The following LRRC4C variants were observed in gnomAD, a reference collection of about 807,000 sequenced individuals.
The protein encoded by LRRC4C is leucine-rich repeat-containing protein 4C.
A neutral mutation model predicts 33.6 loss-of-function variants in LRRC4C; 5 were observed. The ratio of observed to expected loss-of-function variants is 0.15; its 90% CI spans 0.08 to 0.31. The LOEUF is 0.31. Among genes scored for constraint, LRRC4C ranks in the 10% least tolerant of loss-of-function variants. LRRC4C has a pLI of 1.00. For missense variants in LRRC4C, 560 were observed against 796.7 expected (o/e 0.70, Z 3.58); for synonymous variants, 329 against 302.0 (o/e 1.09, Z -0.93).
chr11:40,771,666 A>G (rs1410535414), intron 2 of LRRC4C, among the ~76,000 whole-genome samples: 5 of 152,218 alleles, frequency 3.3e-5, no homozygotes, highest in African/African-American at 1.2e-4. Flanking sequence ...CAGGTACCCA[A>G]AATTATCTCT....
intron 1 of LRRC4C, among the ~76,000 whole-genome samples, chr11:41,307,822 G>A (rs528893324): frequency 6.6e-6 from 1 of 152,260 alleles, no homozygotes; most frequent in South Asian, 2.1e-4. Context: ...CATTTTAGGA[G>A]TTTAGTCATT....
chr11:41,243,665 C>T (rs1295446595), intron 1 of LRRC4C, among the ~76,000 whole-genome samples: 1 of 152,122 alleles, frequency 6.6e-6, no homozygotes, highest in South Asian at 2.1e-4. Flanking sequence ...AATGTGATGA[C>T]TGAAGTTCTA....
At chr11:41,272,171 C>T (rs1949342717) in intron 1 of LRRC4C, among the ~76,000 whole-genome samples, 1 of 152,092 alleles carries the variant, frequency 6.6e-6, no homozygotes, top group African/African-American at 2.4e-5. Context: ...AGTCAAACCC[C>T]TTTCAGGTGT....
chr11:41,354,893 C>A (rs889487285), intron 1 of LRRC4C, among the ~76,000 whole-genome samples: 1 of 151,936 alleles, frequency 6.6e-6, no homozygotes, highest in African/African-American at 2.4e-5. Flanking sequence ...AAATATAAAA[C>A]CCTAAAAGAA....
chr11:40,365,678 C>A (rs1053519338), intron 3 of LRRC4C, among the ~76,000 whole-genome samples: 2 of 151,974 alleles, frequency 1.3e-5, no homozygotes, highest in East Asian at 3.9e-4. Flanking sequence ...TGAGTGGTGA[C>A]TCAAGCTGAT....
intron 1 of LRRC4C, among the ~76,000 whole-genome samples, chr11:41,107,165 T>A (rs992026143): frequency 6.6e-6 from 1 of 151,966 alleles, no homozygotes; most frequent in African/African-American, 2.4e-5. Context: ...AGCATTTCCT[T>A]TGAGTGCCAT....
intron 1 of LRRC4C, among the ~76,000 whole-genome samples, chr11:41,171,883 T>G (rs966825822): frequency 3.3e-5 from 5 of 151,968 alleles, no homozygotes; most frequent in African/African-American, 9.7e-5. Context: ...ATGTAGATAC[T>G]GAACGACCAC....
intron 3 of LRRC4C, among the ~76,000 whole-genome samples, chr11:40,357,329 T>A (rs767951525): frequency 6.6e-6 from 1 of 152,318 alleles, no homozygotes; most frequent in East Asian, 1.9e-4. Context: ...GGGCGTGCTT[T>A]CTGTGCCTAT....
intron 1 of LRRC4C, among the ~76,000 whole-genome samples, chr11:41,452,103 T>C (rs1253880799): frequency 1.3e-5 from 2 of 152,152 alleles, no homozygotes; most frequent in South Asian, 2.1e-4. Context: ...CTTATATGGA[T>C]TATTTTCTTT....
At chr11:41,188,705 CAAAAA>C (rs10559968) in intron 1 of LRRC4C, among the ~76,000 whole-genome samples, 3 of 111,150 alleles carry the variant, frequency 2.7e-5, no homozygotes, top group Admixed American at 9.6e-5. Flanking sequence ...GAAAAAGAAG[CAAAAA>C]AAAAAAAAAA....
At chr11:40,347,988 G>A (rs1333471590) in intron 3 of LRRC4C, among the ~76,000 whole-genome samples, 1 of 152,192 alleles carries the variant, frequency 6.6e-6, no homozygotes, top group African/African-American at 2.4e-5. Context: ...GAAATTGGGA[G>A]GCCCCAGAAA....
At chr11:40,220,855 A>G (rs779664122) in intron 5 of LRRC4C, among the ~76,000 whole-genome samples, 10 of 144,228 alleles carry the variant, frequency 6.9e-5, no homozygotes, top group Non-Finnish European at 1.4e-4. Context: ...TTTTCAGCCT[A>G]TTTCCTATTT....
intron 3 of LRRC4C, among the ~76,000 whole-genome samples, chr11:40,486,143 A>C (rs1403531245): frequency 2.7e-5 from 4 of 147,562 alleles, no homozygotes; most frequent in Non-Finnish European, 6.0e-5. Flanking sequence ...CCTGAACTTA[A>C]GACAAAAGTT....
chr11:40,502,762 G>C (rs1954840638), intron 3 of LRRC4C, among the ~76,000 whole-genome samples: 1 of 152,044 alleles, frequency 6.6e-6, no homozygotes, highest in Non-Finnish European at 1.5e-5. Context: ...ATAGTTTTAT[G>C]ATCTATGACA....
At chr11:41,237,941 C>T (rs760318585) in intron 1 of LRRC4C, among the ~76,000 whole-genome samples, 22 of 152,084 alleles carry the variant, frequency 1.4e-4, no homozygotes, top group Non-Finnish European at 2.6e-4. Context: ...TATATTCTTA[C>T]CTCTGTTTCT....
intron 2 of LRRC4C, among the ~76,000 whole-genome samples, chr11:40,704,152 T>C (rs1239978919): frequency 6.6e-6 from 1 of 152,134 alleles, no homozygotes; most frequent in Non-Finnish European, 1.5e-5. Flanking sequence ...TTAGGTATTA[T>C]AAGTAATATG....
intron 1 of LRRC4C, among the ~76,000 whole-genome samples, chr11:41,100,570 AAATAAT>A (rs775264995): frequency 6.6e-6 from 1 of 151,646 alleles, no homozygotes; most frequent in African/African-American, 2.4e-5. Context: ...GTCCATCTCA[AAATAAT>A]AATAATAATA....
At chr11:40,824,803 A>C (rs1952088211) in intron 2 of LRRC4C, among the ~76,000 whole-genome samples, 1 of 151,966 alleles carries the variant, frequency 6.6e-6, no homozygotes, top group African/African-American at 2.4e-5. Context: ...AGTGCTATCT[A>C]TCTACTGAGC....
At chr11:41,006,430 T>G (rs2137458358) in intron 1 of LRRC4C, among the ~76,000 whole-genome samples, 1 of 152,254 alleles carries the variant, frequency 6.6e-6, no homozygotes, top group East Asian at 1.9e-4. Context: ...GGAATACATC[T>G]CTCATCTATT....
Sources: gnomAD v4.1 joint callset for allele counts (sites outside exome capture counted in the v4.1 genomes callset) on GRCh38, gnomAD v4.1.1 for gene constraint, MANE v1.5 for transcripts, NCBI Gene and HGNC (gene_info 2026-07-23, HGNC 2026-07-21) for gene names.